The following DNAH5 variants were observed in gnomAD, a reference collection of about 807,000 sequenced individuals.
DNAH5 encodes the protein axonemal beta dynein heavy chain 5.
DNAH5 carries 372 observed loss-of-function variants against 518.2 expected under a neutral mutation model. That is an observed-to-expected ratio of 0.72 (90% CI 0.66 to 0.78). DNAH5 has a LOEUF of 0.78. Ranked by LOEUF, DNAH5 falls within the 30% of genes least tolerant of loss-of-function variation. The pLI is 0.00. For missense variants in DNAH5, 5,523 were observed against 5,687.0 expected (o/e 0.97, Z 0.93); for synonymous variants, 2,039 against 2,025.9 (o/e 1.01, Z -0.17).
chr5:13,823,342 C>G lies in DNAH5; in HGVS notation c.6608G>C (p.Ser2203Thr). The stretch of plus-strand genomic sequence containing the variant: ...ATTTGGAAAGAGATCTTCAATCAAA[C>G]TCAAAAACAAGGGTTCATCCTCATC... Reference protein sequence around the residue: ...LIDEDEPLFLSLIEDLFPNIL... With the variant: ...LIDEDEPLFLTLIEDLFPNIL... The change falls in exon 40 of 79, where the codon AGT (serine) becomes ACT (threonine). Residue 2203 changes from serine to threonine, a missense_variant. Transcript: ENST00000265104. 1.2e-6 allele frequency: 2 copies of G among 1,613,784 alleles called. No homozygotes were observed. The highest frequency in any genetic ancestry group is 1.7e-6 in the Non-Finnish European group (2 of 1,179,788).
chr5:13,807,784 T>A lies in DNAH5; in HGVS notation c.7753-59A>T, dbSNP rs368618563. ...AAATAAATGAGTGTGATGGGCTGAA[T>A]TTGTCCCCCCAAAATTCATATGCTG... On this transcript the variant is annotated intron_variant, in intron 46 of 78. Coordinates refer to ENST00000265104, the MANE Select transcript of DNAH5 (RefSeq NM_001369.3). 244 of 1,454,786 alleles carry A rather than the reference T, an allele frequency of 1.7e-4. 2 individuals carry two copies. The South Asian group carries it at 2.5e-3, about 15-fold the overall frequency. The allele number at this position is 1,454,786 out of a possible 1,614,324, so 90.1% of individuals were successfully genotyped here. A position where few individuals can be genotyped will look rare whatever the true frequency, so the allele number is the denominator to read the frequency against.
Position 13,841,135 on chromosome 5 carries a change from T to C in DNAH5, c.5485-5A>G, listed in dbSNP as rs749979952. The stretch of plus-strand genomic sequence containing the variant: ...CTGAATTCCTAATAATCCAACCTTA[T>C]GGAAATAAAAAAGGCTTCATGAATT... On this transcript the variant is annotated splice_region_variant and splice_polypyrimidine_tract_variant and intron_variant, in intron 33 of 78. Transcript: ENST00000265104. The C allele has an allele frequency of 1.5e-5, 24 of 1,610,476 alleles. No homozygotes were observed. The highest frequency in any genetic ancestry group is 3.3e-5 in the South Asian group (3 of 90,990).
chr5:13,975,156 T>C (rs766624094), intron 1 of DNAH5, among the ~76,000 whole-genome samples: 1 of 152,190 alleles, frequency 6.6e-6, no homozygotes, highest in Non-Finnish European at 1.5e-5. Flanking sequence ...GGACTTACAG[T>C]TCCAGTGGCT....
At chr5:13,876,459 A>AT (rs1456757472) in intron 22 of DNAH5, among the ~76,000 whole-genome samples, 1 of 152,256 alleles carries the variant, frequency 6.6e-6, no homozygotes, top group Non-Finnish European at 1.5e-5. Flanking sequence ...TATTAAAAGC[A>AT]TTAAACAAAA....
intron 61 of DNAH5, among the ~76,000 whole-genome samples, chr5:13,758,584 A>T (rs1236569297): frequency 2.0e-5 from 3 of 152,226 alleles, no homozygotes; most frequent in African/African-American, 7.2e-5. Flanking sequence ...ACATGATTTG[A>T]AAAACATAAC....
chr5:13,872,406 A>G (rs1378573459), intron 22 of DNAH5, among the ~76,000 whole-genome samples: 1 of 152,212 alleles, frequency 6.6e-6, no homozygotes, highest in Non-Finnish European at 1.5e-5. Flanking sequence ...AACATAGTGC[A>G]TGTTTCCATA....
At chr5:13,876,589 C>A in intron 22 of DNAH5, 95 bp downstream of exon 22, 2 of 1,462,932 alleles carry the variant, frequency 1.4e-6, no homozygotes, top group Middle Eastern at 1.8e-4. Context: ...GTGTGTGAGA[C>A]CCAGGCTACA....
chr5:13,960,468 G>A (rs1781102753), intron 1 of DNAH5, among the ~76,000 whole-genome samples: 1 of 152,180 alleles, frequency 6.6e-6, no homozygotes, highest in Non-Finnish European at 1.5e-5. Context: ...ATTTTTGTAA[G>A]CAAAATGTGA....
intron 1 of DNAH5, among the ~76,000 whole-genome samples, chr5:13,982,662 G>C (rs1352508118): frequency 1.4e-5 from 2 of 139,516 alleles, no homozygotes; most frequent in Non-Finnish European, 3.2e-5. Flanking sequence ...ATGCACTATT[G>C]CATGAGTGAG....
In DNAH5 at chr5:13,870,762, G is replaced by A. The variant is rs1769971966; in HGVS notation, c.3834+5C>T. 6.2e-7 allele frequency: 1 copy of A among 1,607,108 alleles called. No individual in the cohort carries two copies. The highest frequency in any genetic ancestry group is 1.3e-5 in the African/African-American group (1 of 74,768). Reference sequence around the variant, plus strand: ...TTCTATAATGAACAAATGATCATTAGTTACCTCAATAGGTCCTACTTGAAA... The same window carrying A: ...TTCTATAATGAACAAATGATCATTAATTACCTCAATAGGTCCTACTTGAAA... On this transcript the variant is annotated splice_donor_5th_base_variant and intron_variant, in intron 24 of 78. Transcript: ENST00000265104.
chr5:13,775,017 T>A (rs1385048973), intron 55 of DNAH5, among the ~76,000 whole-genome samples: 1 of 152,204 alleles, frequency 6.6e-6, no homozygotes, highest in African/African-American at 2.4e-5. Flanking sequence ...TGATCTGTGC[T>A]CTGCATGTAT....
intron 76 of DNAH5, among the ~76,000 whole-genome samples, chr5:13,705,930 T>C (rs1742724962): frequency 6.6e-6 from 1 of 152,228 alleles, no homozygotes; most frequent in Admixed American, 6.5e-5. Flanking sequence ...AAGGATGCTC[T>C]TCTAGACACT....
intron 55 of DNAH5, among the ~76,000 whole-genome samples, chr5:13,775,430 TAGAC>T (rs1753945266): frequency 6.6e-6 from 1 of 151,990 alleles, no homozygotes; most frequent in Non-Finnish European, 1.5e-5. Flanking sequence ...GGATAGATAA[TAGAC>T]AGATAAAGAT....
At chr5:13,945,738 T>C (rs1242548340), upstream of DNAH5, among the ~76,000 whole-genome samples, 3 of 152,072 alleles carry the variant, frequency 2.0e-5, no homozygotes, top group Non-Finnish European at 2.9e-5. Context: ...TCCTAGTAAC[T>C]GGGACTACAG....
rs1208399210 is a variant in DNAH5 at position 13,845,320 on chromosome 5, TAAGA to T, written c.5115-331_5115-328del. On this transcript the variant is annotated intron_variant, in intron 31 of 78. Transcript: ENST00000265104. The stretch of plus-strand genomic sequence containing the variant: ...TCAGATAAAAACACTATGTAGAGAG[TAAGA>T]TAAAAACACTATGTAGAGAGTAAGA... Among the ~76,000 whole-genome samples the T allele has an allele frequency of 5.0e-5, 3 of 60,514 alleles. No homozygotes were observed. The East Asian group carries it at 2.8e-3, about 57-fold the overall frequency. 39.7% of individuals were successfully genotyped at this position (60,514 alleles called of 152,430 possible).
chr5:13,804,315 A>G (rs1443816807), intron 47 of DNAH5, among the ~76,000 whole-genome samples: 1 of 152,236 alleles, frequency 6.6e-6, no homozygotes, highest in Non-Finnish European at 1.5e-5. Flanking sequence ...TGAAAGTTAC[A>G]TCAAGATGAA....
intron 43 of DNAH5, 93 bp downstream of exon 43, chr5:13,814,512 C>T (rs1761175815): frequency 2.4e-6 from 3 of 1,268,602 alleles, no homozygotes; most frequent in Non-Finnish European, 3.4e-6. Context: ...TGCAGTTACA[C>T]TGCCATCTGC....
chr5:13,884,822 C>T (rs767667017), intron 19 of DNAH5, among the ~76,000 whole-genome samples, 167 bp downstream of exon 19: 3 of 152,088 alleles, frequency 2.0e-5, no homozygotes, highest in Non-Finnish European at 4.4e-5. Context: ...GTCGACAGGG[C>T]GAGACTCCAT....
chr5:13,858,388 G>A (rs1305480614), intron 30 of DNAH5, among the ~76,000 whole-genome samples: 1 of 152,046 alleles, frequency 6.6e-6, no homozygotes, highest in Admixed American at 6.6e-5. Context: ...TGGGCACAGG[G>A]AGGGGAACAT....
Sources: allele counts gnomAD v4.1 joint callset (sites outside exome capture counted in the v4.1 genomes callset), GRCh38; gene constraint gnomAD v4.1.1; transcripts MANE v1.5; gene names NCBI Gene and HGNC (gene_info 2026-07-23, HGNC 2026-07-21).